The following SGCD variants were observed in gnomAD, a reference collection of about 807,000 sequenced individuals.
SGCD encodes delta-sarcoglycan.
SGCD carries 18 observed loss-of-function variants against 36.6 expected under a neutral mutation model. The observed-to-expected ratio is 0.49, with a 90% CI of 0.34 to 0.73. The LOEUF is 0.73. Ranked by LOEUF, SGCD falls within the 30% of genes least tolerant of loss-of-function variation. The pLI is 0.01. For missense variants in SGCD, 387 were observed against 346.7 expected (o/e 1.12, Z -0.92); for synonymous variants, 133 against 130.6 (o/e 1.02, Z -0.12).
intron 6 of SGCD, among the ~76,000 whole-genome samples, chr5:156,597,851 C>T (rs1760994392): frequency 6.6e-6 from 1 of 152,188 alleles, no homozygotes; most frequent in Admixed American, 6.5e-5. Context: ...GTGGGGTAGA[C>T]ACCATTTTTA....
intron 7 of SGCD, among the ~76,000 whole-genome samples, chr5:156,755,132 A>G (rs1757288876): frequency 6.6e-6 from 1 of 152,172 alleles, no homozygotes; most frequent in Admixed American, 6.5e-5. Context: ...AAGAGGAGGG[A>G]AAGGAAGAAA....
At chr5:155,912,314 T>C (rs1356763816) in intron 1 of SGCD, among the ~76,000 whole-genome samples, 3 of 152,158 alleles carry the variant, frequency 2.0e-5, no homozygotes, top group African/African-American at 7.2e-5. Context: ...TACTAGTGTT[T>C]GTTATAGTGC....
chr5:155,962,850 T>G (rs1757819686), intron 1 of SGCD, among the ~76,000 whole-genome samples: 1 of 152,148 alleles, frequency 6.6e-6, no homozygotes, highest in Non-Finnish European at 1.5e-5. Context: ...ACTTATGTGT[T>G]GAAATCATAA....
chr5:155,844,479 G>A, the SGCD span, among the ~76,000 whole-genome samples: 4 of 143,364 alleles, frequency 2.8e-5, no homozygotes, highest in Admixed American at 1.4e-4. Flanking sequence ...AGTTTATCAC[G>A]TTACAAGAAA....
chr5:156,453,262 C>T (rs1385621722), intron 3 of SGCD, among the ~76,000 whole-genome samples: 2 of 152,180 alleles, frequency 1.3e-5, no homozygotes, highest in East Asian at 1.9e-4. Context: ...TGACTTGTCC[C>T]GCTAGTGTAG....
the SGCD span, among the ~76,000 whole-genome samples, chr5:155,793,735 G>T: frequency 1.3e-5 from 2 of 151,848 alleles, no homozygotes; most frequent in African/African-American, 4.8e-5. Flanking sequence ...TTTTAGTAGA[G>T]ACAGGGATTC....
rs573150350 is a variant in SGCD at position 155,924,923 on chromosome 5, A to C, written c.-282+54499A>C. Among the ~76,000 whole-genome samples the C allele has an allele frequency of 2.0e-5, 3 of 152,264 alleles. No homozygotes were observed. The South Asian group carries it at 6.2e-4, about 32-fold the overall frequency. On this transcript the variant is annotated intron_variant, in intron 1 of 9. Coordinates refer to the SGCD transcript ENST00000517913. ...AGTCACTCTCTGAAAAGATTTGAGG[A>C]CCATTATCCTTGCAGATAAACTGGA...
chr5:156,566,611 GT>G (rs1334473644), intron 4 of SGCD, among the ~76,000 whole-genome samples: 1 of 151,962 alleles, frequency 6.6e-6, no homozygotes, highest in African/African-American at 2.4e-5. Context: ...ATATGTTCCT[GT>G]TAATAAACCC....
chr5:156,283,664 A>G (rs180993727), intron 3 of SGCD, among the ~76,000 whole-genome samples: 1 of 152,190 alleles, frequency 6.6e-6, no homozygotes, highest in Admixed American at 6.6e-5. Context: ...GTAGTTCTCA[A>G]ATTTGAGTAT....
Position 156,757,606 on chromosome 5 carries a change from G to C in SGCD, c.601G>C (p.Val201Leu). The C allele has an allele frequency of 6.2e-7, 1 of 1,611,370 alleles. No individual in the cohort carries two copies. The highest frequency in any genetic ancestry group is 8.5e-7 in the Non-Finnish European group (1 of 1,178,676). Residue 201 changes from valine to leucine, a missense_variant, in exon 8 of 9, where the codon GTG (valine) becomes CTG (leucine). Val to Leu is a conservative substitution (Grantham distance 32). Coordinates refer to ENST00000337851, the MANE Select transcript of SGCD (RefSeq NM_000337.6). ...GTTGGAGTCCCCAACCCGGTCTCTA[G>C]TGATGGAGGCCCCAAAAGGAGTGGA... ...LRLESPTRSL[V>L]MEAPKGVEIN...
chr5:156,179,979 A>G (rs11749647), intron 3 of SGCD, among the ~76,000 whole-genome samples: 1 of 152,202 alleles, frequency 6.6e-6, no homozygotes, highest in Admixed American at 6.5e-5. Flanking sequence ...ATAAAAAAAT[A>G]CAAGAGGATA....
intron 3 of SGCD, among the ~76,000 whole-genome samples, chr5:156,188,117 G>T (rs1421913282): frequency 6.6e-6 from 1 of 152,114 alleles, no homozygotes; most frequent in East Asian, 1.9e-4. Flanking sequence ...TATTAGCCTT[G>T]CCCTGGTCTG....
chr5:156,227,767 G>T (rs1764895163), intron 3 of SGCD, among the ~76,000 whole-genome samples: 2 of 152,082 alleles, frequency 1.3e-5, no homozygotes, highest in African/African-American at 2.4e-5. Flanking sequence ...ACTTTTCGAT[G>T]TAGGCATTTA....
At chr5:155,882,884 G>T (rs1755920010) in intron 1 of SGCD, among the ~76,000 whole-genome samples, 1 of 152,152 alleles carries the variant, frequency 6.6e-6, no homozygotes, top group African/African-American at 2.4e-5. Flanking sequence ...ATTGACTTTT[G>T]CTCTCTAGCT....
At chr5:156,577,422 C>T (rs1385904742) in intron 4 of SGCD, among the ~76,000 whole-genome samples, 1 of 152,098 alleles carries the variant, frequency 6.6e-6, no homozygotes, top group Non-Finnish European at 1.5e-5. Context: ...TCCATATGAA[C>T]TTTAAAGTAG....
chr5:156,649,075 G>T (rs535178625), intron 7 of SGCD, among the ~76,000 whole-genome samples: 1 of 152,288 alleles, frequency 6.6e-6, no homozygotes, highest in Non-Finnish European at 1.5e-5. Flanking sequence ...ATTCTCAAAA[G>T]AAGACATTTA....
intron 1 of SGCD, among the ~76,000 whole-genome samples, chr5:155,996,906 T>TAGATAGATAGACAGAC (rs1472624095): frequency 6.1e-4 from 87 of 142,016 alleles, no homozygotes; most frequent in Non-Finnish European, 1.1e-3. Flanking sequence ...GATAGATAGA[T>TAGATAGATAGACAGAC]AGACAGACAG....
At chr5:156,649,570 A>G (rs1282591638) in intron 7 of SGCD, among the ~76,000 whole-genome samples, 3 of 152,130 alleles carry the variant, frequency 2.0e-5, no homozygotes, top group Non-Finnish European at 2.9e-5. Flanking sequence ...AGGGACATGG[A>G]TGAAACTGGA....
chr5:156,401,737 T>C (rs909010155), intron 3 of SGCD, among the ~76,000 whole-genome samples: 2 of 149,406 alleles, frequency 1.3e-5, no homozygotes, highest in Admixed American at 6.7e-5. Context: ...AGGAAATAAG[T>C]AGTCATGGTC....
Sources: allele counts gnomAD v4.1 joint callset (sites outside exome capture counted in the v4.1 genomes callset), GRCh38; gene constraint gnomAD v4.1.1; transcripts MANE v1.5; gene names NCBI Gene and HGNC (gene_info 2026-07-23, HGNC 2026-07-21).